The following ARFGEF3 variants were observed in gnomAD, a reference collection of about 807,000 sequenced individuals.
The protein encoded by ARFGEF3 is brefeldin A-inhibited guanine nucleotide-exchange protein 3.
A neutral mutation model predicts 221.7 loss-of-function variants in ARFGEF3; 96 were observed. The observed-to-expected ratio is 0.43, with a 90% CI of 0.37 to 0.51. The LOEUF (loss-of-function observed/expected upper bound fraction) is 0.51. Ranked by LOEUF, ARFGEF3 falls within the 20% of genes least tolerant of loss-of-function variation. The pLI, the probability that ARFGEF3 is intolerant of heterozygous loss-of-function variation, is 0.00. For synonymous variants in ARFGEF3, 1,145 were observed against 1,126.8 expected (o/e 1.02, Z -0.32); for missense variants, 2,410 against 2,789.9 (o/e 0.86, Z 3.07).
At position 138,305,073 on chromosome 6, in the gene ARFGEF3, TAA is replaced by T. The variant is rs201263639; in HGVS notation, c.3829-2167_3829-2166del. Among the ~76,000 whole-genome samples, 910 of 141,118 alleles carry T rather than the reference TAA, an allele frequency of 6.4e-3. 5 individuals are homozygous for T. Among genetic ancestry groups the T allele is most frequent in the Non-Finnish European group, 9.0e-3 (576 of 64,140 alleles). The allele number at this position is 141,118 out of a possible 152,430, so 92.6% of individuals were successfully genotyped here. ...TTGAATAAAGCAAAGTTTCATAAAT[TAA>T]AAAAAAAAAAAACCTTCCCACAATA... On this transcript the variant is annotated intron_variant, in intron 22 of 33. Transcript: ENST00000251691.
chr6:138,265,986 CG>C (rs1273782723), intron 12 of ARFGEF3, among the ~76,000 whole-genome samples: 1 of 151,916 alleles, frequency 6.6e-6, no homozygotes, highest in Non-Finnish European at 1.5e-5. Flanking sequence ...GAGGCTGAGA[CG>C]GGTGGATTGC....
At chr6:138,189,113 C>T (rs1170637574) in intron 2 of ARFGEF3, among the ~76,000 whole-genome samples, 1 of 152,192 alleles carries the variant, frequency 6.6e-6, no homozygotes, top group Non-Finnish European at 1.5e-5. Context: ...GGAGAAGGTA[C>T]TGCAAAGCTT....
At chr6:138,300,463 T>A (rs1425770721) in intron 22 of ARFGEF3, among the ~76,000 whole-genome samples, 2 of 152,102 alleles carry the variant, frequency 1.3e-5, no homozygotes, top group Admixed American at 6.5e-5. Flanking sequence ...ATAAAAAAAA[T>A]TTTAATCACT....
intron 12 of ARFGEF3, among the ~76,000 whole-genome samples, chr6:138,265,355 A>G (rs1411626070): frequency 1.3e-5 from 2 of 152,232 alleles, no homozygotes; most frequent in African/African-American, 4.8e-5. Context: ...TAAGAATTTC[A>G]TACCTTATTT....
chr6:138,197,334 C>T (rs1220769648), intron 2 of ARFGEF3, among the ~76,000 whole-genome samples: 1 of 152,162 alleles, frequency 6.6e-6, no homozygotes, highest in Non-Finnish European at 1.5e-5. Flanking sequence ...TCTGGAATGC[C>T]TCCTGAAGGA....
rs1240964498 is a variant in ARFGEF3 at position 138,238,615 on chromosome 6, A to G, written c.527A>G (p.Gln176Arg). The G allele has an allele frequency of 6.2e-7, 1 of 1,613,552 alleles. No homozygotes were observed. The highest frequency in any genetic ancestry group is 1.3e-5 in the African/African-American group (1 of 74,918). ...MLSDLTLQLR[Q>R]RQENTIIENP... Reference sequence around the variant, plus strand: ...AGTGACTTGACTTTACAGTTACGACAGAGGCAGGAGAATACGGTGAGTCTG... The same window carrying G: ...AGTGACTTGACTTTACAGTTACGACGGAGGCAGGAGAATACGGTGAGTCTG... The change falls in exon 6 of 34, where the codon CAG (glutamine) becomes CGG (arginine). Residue 176 changes from glutamine to arginine, a missense_variant. By Grantham distance (43) the Gln-to-Arg change is conservative (BLOSUM62 1). This residue lies in a region of ARFGEF3 where 570 missense variants were observed against 586.9 expected (regional missense o/e 0.97). Coordinates refer to ENST00000251691, the MANE Select transcript of ARFGEF3 (RefSeq NM_020340.5).
intron 12 of ARFGEF3, among the ~76,000 whole-genome samples, chr6:138,265,596 G>A (rs978563109): frequency 4.0e-5 from 6 of 151,894 alleles, no homozygotes; most frequent in Non-Finnish European, 7.4e-5. Flanking sequence ...GAACATTCTA[G>A]GGGTGTGTTT....
Position 138,341,161 on chromosome 6 carries a change from A to G in ARFGEF3, c.*4675A>G, listed in dbSNP as rs1254835655. On this transcript the variant is annotated 3_prime_UTR_variant, in exon 34 of 34. Coordinates refer to ENST00000251691, the MANE Select transcript of ARFGEF3 (RefSeq NM_020340.5). ...AATTTGTAAACCTTTTTCAAATATC[A>G]TTTAATCAACTCAGAATAAAGTGCC... 6.6e-6 allele frequency: 1 copy of G among 152,642 alleles called. No homozygotes were observed. The allele number at this position is 152,642 out of a possible 1,614,324, so 9.5% of individuals were successfully genotyped here.
intron 8 of ARFGEF3, among the ~76,000 whole-genome samples, chr6:138,253,044 T>A (rs140071212): frequency 6.6e-6 from 1 of 152,148 alleles, no homozygotes; most frequent in Non-Finnish European, 1.5e-5. Context: ...TCATGTTTCC[T>A]CAGTAAAGAA....
chr6:138,307,342 G>A lies in ARFGEF3; in HGVS notation c.3918G>A (p.Val1306=), dbSNP rs1289315573. ...WRPLFSALET[V]HGGNKSEMKE... ...CCTTGTTCAGTGCCCTGGAAACAGT[G>A]CATGGCGGGAACAAGTCAGAGATGA... The change falls in exon 23 of 34, where the codon GTG becomes GTA. Residue 1306 remains valine (V), a synonymous_variant. Transcript: ENST00000251691. 1 of 1,613,876 alleles carries A rather than the reference G, an allele frequency of 6.2e-7. No individual in the cohort carries two copies. The highest frequency in any genetic ancestry group is 1.3e-5 in the African/African-American group (1 of 74,940).
intron 2 of ARFGEF3, among the ~76,000 whole-genome samples, chr6:138,190,753 T>C (rs1198805759): frequency 6.6e-6 from 1 of 152,156 alleles, no homozygotes; most frequent in Non-Finnish European, 1.5e-5. Flanking sequence ...TGGTGCCATG[T>C]GCTGGGTGGT....
chr6:138,329,102 T>C (rs923308822), intron 32 of ARFGEF3, among the ~76,000 whole-genome samples: 10 of 152,212 alleles, frequency 6.6e-5, no homozygotes, highest in African/African-American at 1.7e-4. Flanking sequence ...CAAAAAGGTC[T>C]ATGCTCTGCC....
At chr6:138,168,585 G>A (rs562693529) in intron 1 of ARFGEF3, among the ~76,000 whole-genome samples, 90 of 152,328 alleles carry the variant, frequency 5.9e-4, no homozygotes, top group African/African-American at 2.1e-3. Flanking sequence ...AAGCCCAAAA[G>A]CTAAAAGCCT....
At chr6:138,200,609 A>G (rs1777517388) in intron 2 of ARFGEF3, among the ~76,000 whole-genome samples, 1 of 152,212 alleles carries the variant, frequency 6.6e-6, no homozygotes. Flanking sequence ...TGCTGGGATA[A>G]TTGGCTAGCC....
intron 8 of ARFGEF3, among the ~76,000 whole-genome samples, chr6:138,247,655 C>G (rs1043762144): frequency 2.3e-4 from 35 of 152,332 alleles, no homozygotes; most frequent in Non-Finnish European, 4.6e-4. Flanking sequence ...CCACGCTTTG[C>G]CCCTTACTGG....
At chr6:138,251,334 T>G (rs1012893752) in intron 8 of ARFGEF3, among the ~76,000 whole-genome samples, 1 of 152,216 alleles carries the variant, frequency 6.6e-6, no homozygotes, top group African/African-American at 2.4e-5. Context: ...ATTTTTGAAT[T>G]GGAGCATTTC....
At chr6:138,219,518 A>T (rs1055619747) in intron 4 of ARFGEF3, among the ~76,000 whole-genome samples, 1 of 152,216 alleles carries the variant, frequency 6.6e-6, no homozygotes, top group African/African-American at 2.4e-5. Flanking sequence ...ACCAGGACTT[A>T]ATCCAGGTAG....
At chr6:138,238,154 C>A (rs995588708) in intron 5 of ARFGEF3, among the ~76,000 whole-genome samples, 2 of 152,170 alleles carry the variant, frequency 1.3e-5, no homozygotes, top group Non-Finnish European at 2.9e-5. Context: ...TTAATAAATT[C>A]TGTTCTATTT....
intron 1 of ARFGEF3, among the ~76,000 whole-genome samples, chr6:138,168,943 G>A (rs1173398670): frequency 6.6e-6 from 1 of 152,158 alleles, no homozygotes; most frequent in Non-Finnish European, 1.5e-5. Context: ...CCCAGGACCT[G>A]GTTCAGTGTT....
Sources: gnomAD v4.1 joint callset for allele counts (sites outside exome capture counted in the v4.1 genomes callset) on GRCh38, gnomAD v4.1.1 for gene constraint, gnomAD v4.1.1 regional missense constraint, MANE v1.5 for transcripts, NCBI Gene and HGNC (gene_info 2026-07-23, HGNC 2026-07-21) for gene names.